PDE5A: variants seen among roughly 807,000 people sequenced by gnomAD.
The protein encoded by PDE5A is cGMP-specific 3',5'-cyclic phosphodiesterase.
In PDE5A, 67 loss-of-function variants were observed where a neutral mutation model predicts 110.2. The observed-to-expected ratio is 0.61, with a 90% CI of 0.50 to 0.75. The LOEUF is 0.75. PDE5A is among the 30% of genes least tolerant of loss of function. The probability of loss-of-function intolerance (pLI) is 0.00; values close to 1 mark genes in which losing one functional copy is unlikely to be tolerated. For synonymous variants in PDE5A, 328 were observed against 351.2 expected (o/e 0.93, Z 0.74); for missense variants, 862 against 1,045.1 (o/e 0.82, Z 2.42).
At chr4:119,549,501 T>TA (rs1727262795) in intron 9 of PDE5A, 1 of 152,250 alleles carries the variant, frequency 6.6e-6, no homozygotes, top group Non-Finnish European at 1.5e-5. Context: ...TTTTTATTTT[T>TA]ATGCTTTTAT....
At chr4:119,508,192 A>G (rs1725620004) in intron 15 of PDE5A, among the ~76,000 whole-genome samples, 1 of 151,988 alleles carries the variant, frequency 6.6e-6, no homozygotes, top group Non-Finnish European at 1.5e-5. Flanking sequence ...CCTTAGGAAC[A>G]TCTTAATATA....
intron 16 of PDE5A, among the ~76,000 whole-genome samples, 178 bp from the exon 17 acceptor site, chr4:119,506,110 C>G (rs1344268657): frequency 6.6e-6 from 1 of 151,758 alleles, no homozygotes; most frequent in Non-Finnish European, 1.5e-5. Context: ...TTTCCCCCTT[C>G]TATCATTTGC....
intron 3 of PDE5A, among the ~76,000 whole-genome samples, chr4:119,594,232 A>C (rs899469281): frequency 6.6e-6 from 1 of 152,122 alleles, no homozygotes; most frequent in African/African-American, 2.4e-5. Context: ...GGGCCATCCT[A>C]CTCACTTCTT....
chr4:119,522,149 C>A (rs1414468848), intron 12 of PDE5A, among the ~76,000 whole-genome samples: 1 of 152,048 alleles, frequency 6.6e-6, no homozygotes, highest in East Asian at 1.9e-4. Flanking sequence ...CATATCCTCC[C>A]TTTTCAGGTC....
chr4:119,604,281 T>C (rs1301682998), intron 2 of PDE5A, among the ~76,000 whole-genome samples: 1 of 152,154 alleles, frequency 6.6e-6, no homozygotes, highest in Non-Finnish European at 1.5e-5. Flanking sequence ...GTCAAAACTT[T>C]GAAGATGGTA....
Position 119,501,212 on chromosome 4 carries a change from C to G in PDE5A, c.2448G>C (p.Met816Ile), listed in dbSNP as rs773951518. Residue 816 changes from methionine (M) to isoleucine (I), a missense_variant, in exon 20 of 21, where the codon ATG becomes ATC. Transcript: ENST00000354960. The part of the protein sequence containing the change: ...NREKKNKIPS[M>I]QVGFIDAICL... ...AGATGGCATCTATGAACCCAACTTG[C>G]ATACTTGGGATTTTGTTTTTCTTCT... The G allele has an allele frequency of 3.1e-6, 5 of 1,612,336 alleles. No homozygotes were observed. Among genetic ancestry groups the G allele is most frequent in the Non-Finnish European group, 4.2e-6 (5 of 1,178,620 alleles).
intron 3 of PDE5A, among the ~76,000 whole-genome samples, chr4:119,579,809 G>A (rs911099022): frequency 6.6e-6 from 1 of 151,146 alleles, no homozygotes. Flanking sequence ...CCTGCATGTT[G>A]TGCACATGTA....
chr4:119,572,812 A>C (rs945357422), intron 3 of PDE5A, among the ~76,000 whole-genome samples: 7 of 152,222 alleles, frequency 4.6e-5, no homozygotes, highest in African/African-American at 1.7e-4. Context: ...CTACTGATAC[A>C]GAATTACTAA....
chr4:119,504,295 G>A (rs1725480101), intron 18 of PDE5A, among the ~76,000 whole-genome samples: 2 of 152,064 alleles, frequency 1.3e-5, no homozygotes, highest in Non-Finnish European at 2.9e-5. Context: ...TTCTTTTTAT[G>A]CCTGCATAGT....
At chr4:119,557,388 A>C (rs1186082045) in intron 7 of PDE5A, among the ~76,000 whole-genome samples, 1 of 152,082 alleles carries the variant, frequency 6.6e-6, no homozygotes, top group African/African-American at 2.4e-5. Context: ...CATTTAATCT[A>C]ATCTTGGCAT....
intron 3 of PDE5A, among the ~76,000 whole-genome samples, chr4:119,587,574 C>CG (rs1476953365): frequency 6.6e-6 from 1 of 152,128 alleles, no homozygotes; most frequent in East Asian, 1.9e-4. Flanking sequence ...TTAGTAGAGA[C>CG]GGGGTTTCAC....
intron 3 of PDE5A, among the ~76,000 whole-genome samples, chr4:119,569,507 T>TA (rs33998714): frequency 0.14 from 20,876 of 147,408 alleles, 1,584 homozygotes; most frequent in Middle Eastern, 0.19. Flanking sequence ...AAAGAAATAT[T>TA]AAAAAAAAAA....
intron 13 of PDE5A, among the ~76,000 whole-genome samples, chr4:119,520,155 C>T (rs72678510): frequency 0.014 from 2,206 of 152,172 alleles, 30 homozygotes; most frequent in Non-Finnish European, 0.022. Flanking sequence ...TCTTTAATAA[C>T]AATCACTTCT....
chr4:119,602,933 C>T (rs1729394139), intron 2 of PDE5A, among the ~76,000 whole-genome samples: 1 of 152,152 alleles, frequency 6.6e-6, no homozygotes, highest in South Asian at 2.1e-4. Flanking sequence ...GGAGTAGAAA[C>T]AGGACATGAG....
intron 11 of PDE5A, among the ~76,000 whole-genome samples, chr4:119,527,627 G>T (rs1482762256): frequency 1.3e-5 from 2 of 152,096 alleles, no homozygotes; most frequent in African/African-American, 4.8e-5. Context: ...AGGGAATAAA[G>T]TATGTGGTAT....
rs539438765 is a variant in PDE5A at position 119,557,955 on chromosome 4, G to C, written c.1199+2341C>G. ...ATATTCCAAGAAAGTGACCTAAAAGGATTAATTCTATGTATTTATCATTTT... is the reference window on the plus strand; with the variant it reads ...ATATTCCAAGAAAGTGACCTAAAAGCATTAATTCTATGTATTTATCATTTT... On this transcript the variant is annotated intron_variant, in intron 7 of 20. Transcript: ENST00000354960. Among the ~76,000 whole-genome samples, 20 of 152,110 alleles carry C rather than the reference G, an allele frequency of 1.3e-4. No homozygotes were observed. The South Asian group carries it at 4.2e-3, about 32-fold the overall frequency.
chr4:119,546,155 AAG>A (rs1221049920), intron 9 of PDE5A, among the ~76,000 whole-genome samples: 2 of 152,100 alleles, frequency 1.3e-5, no homozygotes, highest in African/African-American at 4.8e-5. Context: ...ATAACATCTG[AAG>A]AGTTACCCAT....
At chr4:119,584,997 C>T (rs1306482538) in intron 3 of PDE5A, among the ~76,000 whole-genome samples, 2 of 152,130 alleles carry the variant, frequency 1.3e-5, no homozygotes, top group Non-Finnish European at 2.9e-5. Context: ...AAGTCTTGGC[C>T]GGGTGCGGTG....
At position 119,538,393 on chromosome 4, in the gene PDE5A, A is replaced by C. The variant is rs142105958; in HGVS notation, c.1632+567T>G. Among the ~76,000 whole-genome samples the C allele has an allele frequency of 3.9e-3, 599 of 152,294 alleles. 4 individuals carry two copies. The highest frequency in any genetic ancestry group is 0.013 in the African/African-American group (549 of 41,574). ...AGGACAACCTAGGTTGTAAAGTGTT[A>C]AAGTGCCTCAAATTTTCATTAATCT... On this transcript the variant is annotated intron_variant, in intron 11 of 20. Coordinates refer to ENST00000354960, the MANE Select transcript of PDE5A (RefSeq NM_001083.4).
Sources: allele counts gnomAD v4.1 joint callset (sites outside exome capture counted in the v4.1 genomes callset), GRCh38; gene constraint gnomAD v4.1.1; transcripts MANE v1.5; gene names NCBI Gene and HGNC (gene_info 2026-07-23, HGNC 2026-07-21).